CLNK: variants seen among roughly 807,000 people sequenced by gnomAD.
CLNK encodes cytokine-dependent hematopoietic cell linker.
CLNK carries 74 observed loss-of-function variants against 68.6 expected under a neutral mutation model. The ratio of observed to expected loss-of-function variants is 1.08; its 90% CI spans 0.89 to 1.31. The LOEUF is 1.31. CLNK is among the 50% of genes most tolerant of loss of function. The pLI is 0.00. For missense variants in CLNK, 553 were observed against 515.3 expected, an observed-to-expected ratio of 1.07 and a Z score of -0.71; for synonymous variants, 198 against 172.2, an observed-to-expected ratio of 1.15 and a Z score of -1.17.
chr4:10,639,512 C>T (rs1050221666), intron 2 of CLNK, among the ~76,000 whole-genome samples: 5 of 152,190 alleles, frequency 3.3e-5, no homozygotes, highest in African/African-American at 1.2e-4. Context: ...CTCTGGGCCT[C>T]AGTTTCCTCA....
At chr4:10,536,318 GC>G (rs1400911267) in intron 11 of CLNK, among the ~76,000 whole-genome samples, 2 of 152,204 alleles carry the variant, frequency 1.3e-5, no homozygotes, top group Non-Finnish European at 2.9e-5. Context: ...AGCTCTGATT[GC>G]CAATGTTCCT....
At chr4:10,719,731 T>C in the CLNK span, among the ~76,000 whole-genome samples, 1 of 152,172 alleles carries the variant, frequency 6.6e-6, no homozygotes, top group East Asian at 1.9e-4. Context: ...CGAATCAACC[T>C]TTGTAGAATA....
chr4:10,600,701 T>G (rs1694527757), intron 2 of CLNK, among the ~76,000 whole-genome samples: 1 of 152,212 alleles, frequency 6.6e-6, no homozygotes, highest in Non-Finnish European at 1.5e-5. Context: ...AAATAACTTG[T>G]GAGTCTGGGC....
intron 4 of CLNK, among the ~76,000 whole-genome samples, chr4:10,574,688 A>G (rs1025360118): frequency 6.6e-6 from 1 of 152,206 alleles, no homozygotes; most frequent in African/African-American, 2.4e-5. Context: ...AGAAAGAAGT[A>G]AAAACTAAAA....
intron 14 of CLNK, among the ~76,000 whole-genome samples, chr4:10,525,456 C>T (rs1362111602): frequency 6.6e-6 from 1 of 152,198 alleles, no homozygotes; most frequent in African/African-American, 2.4e-5. Flanking sequence ...GCATTTTCAA[C>T]AACACTTGGT....
intron 2 of CLNK, among the ~76,000 whole-genome samples, chr4:10,607,810 C>T (rs528338722): frequency 6.6e-6 from 1 of 152,252 alleles, no homozygotes; most frequent in South Asian, 2.1e-4. Context: ...CAGATTTGAG[C>T]CCTAACTATT....
chr4:10,515,800 G>A (rs1413214614), intron 15 of CLNK, among the ~76,000 whole-genome samples: 1 of 152,180 alleles, frequency 6.6e-6, no homozygotes, highest in Non-Finnish European at 1.5e-5. Flanking sequence ...ACCTGTTTAT[G>A]TCTATTATCT....
chr4:10,629,936 T>C (rs1722819717), intron 2 of CLNK, among the ~76,000 whole-genome samples: 1 of 152,202 alleles, frequency 6.6e-6, no homozygotes, highest in South Asian at 2.1e-4. Flanking sequence ...CGAAAATTTC[T>C]TCTCTCTCCT....
At chr4:10,514,017 C>T (rs1187583476) in intron 15 of CLNK, among the ~76,000 whole-genome samples, 63 of 107,030 alleles carry the variant, frequency 5.9e-4, no homozygotes, top group African/African-American at 2.0e-3. Flanking sequence ...CCTCCCCCCT[C>T]CCCACCACAG....
At chr4:10,497,712 G>A (rs1222483165) in intron 18 of CLNK, among the ~76,000 whole-genome samples, 2 of 152,270 alleles carry the variant, frequency 1.3e-5, no homozygotes, top group South Asian at 2.1e-4. Context: ...ACTATCTCAG[G>A]TCTCAGTTTC....
chr4:10,618,225 A>C (rs1436389822), intron 2 of CLNK, among the ~76,000 whole-genome samples: 1 of 152,202 alleles, frequency 6.6e-6, no homozygotes, highest in African/African-American at 2.4e-5. Flanking sequence ...GCGCTACATC[A>C]ACTAACCTCA....
At chr4:10,503,104 T>C (rs1717122595) in intron 17 of CLNK, among the ~76,000 whole-genome samples, 1 of 152,186 alleles carries the variant, frequency 6.6e-6, no homozygotes, top group Non-Finnish European at 1.5e-5. Flanking sequence ...ATTTATATAA[T>C]GAAAAACACT....
chr4:10,526,485 T>C (rs1245284117), intron 13 of CLNK, among the ~76,000 whole-genome samples: 2 of 152,200 alleles, frequency 1.3e-5, no homozygotes, highest in Non-Finnish European at 2.9e-5. Context: ...AGAGTGACTA[T>C]ACGTATGGCT....
Position 10,513,655 on chromosome 4 carries a change from C to CA in CLNK, c.773-59dup, listed in dbSNP as rs1310688329. 7 of 1,515,896 alleles carry CA rather than the reference C, an allele frequency of 4.6e-6. No homozygotes were observed. In the African/African-American group the frequency reaches 8.4e-5, roughly 18 times the overall value. The allele number at this position is 1,515,896 out of a possible 1,614,324, so 93.9% of individuals were successfully genotyped here. A position where few individuals can be genotyped will look rare whatever the true frequency, so the allele number is the denominator to read the frequency against. ...TTTGTGACTGGTGCAGTCTGTCCCC[C>CA]ACCTCCAGAAAGGAGCTGAAACCCT... On this transcript the variant is annotated intron_variant, in intron 15 of 18. Transcript: ENST00000226951.
the CLNK span, among the ~76,000 whole-genome samples, chr4:10,699,509 TATA>T: frequency 3.7e-4 from 13 of 34,706 alleles, no homozygotes; most frequent in African/African-American, 9.7e-4. Context: ...TATATATATA[TATA>T]TTTTTTTTTT....
At chr4:10,679,070 C>G (rs1253020316) in intron 1 of CLNK, among the ~76,000 whole-genome samples, 1 of 152,068 alleles carries the variant, frequency 6.6e-6, no homozygotes, top group South Asian at 2.1e-4. Context: ...CAATCCTAAG[C>G]CTAAAGAACA....
At chr4:10,649,736 T>A (rs1162477941) in intron 2 of CLNK, among the ~76,000 whole-genome samples, 1 of 151,784 alleles carries the variant, frequency 6.6e-6, no homozygotes, top group African/African-American at 2.4e-5. Flanking sequence ...TCAATCTGAG[T>A]AATGTAAGGA....
intron 8 of CLNK, among the ~76,000 whole-genome samples, chr4:10,550,032 G>A (rs1420831670): frequency 1.3e-5 from 2 of 152,340 alleles, no homozygotes; most frequent in African/African-American, 4.8e-5. Flanking sequence ...AAACCATGAA[G>A]ACATTGTCAA....
chr4:10,497,056 G>A (rs1363222604), intron 18 of CLNK, among the ~76,000 whole-genome samples: 3 of 152,184 alleles, frequency 2.0e-5, no homozygotes, highest in African/African-American at 7.2e-5. Context: ...AACTGGTAAT[G>A]GAAGTCAATG....
Sources: allele counts gnomAD v4.1 joint callset (sites outside exome capture counted in the v4.1 genomes callset), GRCh38; gene constraint gnomAD v4.1.1; transcripts MANE v1.5; gene names NCBI Gene and HGNC (gene_info 2026-07-23, HGNC 2026-07-21).